PRPF6: variants seen among roughly 807,000 people sequenced by gnomAD.
PRPF6 encodes pre-mRNA-processing factor 6.
Under a neutral mutation model 118.3 loss-of-function variants are expected in PRPF6, and 42 were observed. The ratio of observed to expected loss-of-function variants is 0.35; its 90% CI spans 0.28 to 0.46. The LOEUF is 0.46. Among genes scored for constraint, PRPF6 ranks in the 20% least tolerant of loss-of-function variants. The probability of loss-of-function intolerance (pLI) is 1.00; values close to 1 mark genes in which losing one functional copy is unlikely to be tolerated. For synonymous variants in PRPF6, 481 were observed against 485.1 expected, an observed-to-expected ratio of 0.99 and a Z score of 0.11; for missense variants, 662 against 1,255.7, an observed-to-expected ratio of 0.53 and a Z score of 7.15.
rs756327583 is a variant in PRPF6, at chr20:63,984,864, T to A, written c.241-43T>A. 2.9e-5 allele frequency: 41 copies of A among 1,395,910 alleles called. 1 individual carries two copies. Among genetic ancestry groups the A allele is most frequent in the African/African-American group, 7.1e-5 (5 of 70,264 alleles). 86.5% of individuals were successfully genotyped at this position (1,395,910 alleles called of 1,614,324 possible). A position where few individuals can be genotyped will look rare whatever the true frequency, so the allele number is the denominator to read the frequency against. On this transcript the variant is annotated intron_variant, in intron 2 of 20. Transcript: ENST00000266079. ...CTCCGTTTCGCTGGTGGGGATGGTG[T>A]TGAAGGAAAAGCTGACCTCTACACG...
At chr20:64,007,422 G>A (rs1382033705) in intron 9 of PRPF6, among the ~76,000 whole-genome samples, 3 of 63,074 alleles carry the variant, frequency 4.8e-5, no homozygotes, top group Non-Finnish European at 8.9e-5. Flanking sequence ...CCCCGCCTCC[G>A]CTTCCCTCCC....
At chr20:63,983,802 C>T (rs1211339134) in intron 2 of PRPF6, among the ~76,000 whole-genome samples, 3 of 151,968 alleles carry the variant, frequency 2.0e-5, no homozygotes, top group Non-Finnish European at 4.4e-5. Flanking sequence ...TACAGGCATG[C>T]GCCACCATGC....
At chr20:64,021,843 G>T (rs1269823024) in intron 12 of PRPF6, among the ~76,000 whole-genome samples, 5 of 149,958 alleles carry the variant, frequency 3.3e-5, no homozygotes, top group Admixed American at 6.6e-5. Context: ...GTGTGTGCGT[G>T]TGTATGCGTG....
chr20:63,994,278 C>A (rs958892507), intron 4 of PRPF6, among the ~76,000 whole-genome samples: 1 of 152,018 alleles, frequency 6.6e-6, no homozygotes, highest in African/African-American at 2.4e-5. Context: ...CTGCCTCAGC[C>A]TCCCTAGTAG....
At chr20:64,024,447 A>G in intron 13 of PRPF6, 108 bp from the exon 14 acceptor site, 1 of 1,428,678 alleles carries the variant, frequency 7.0e-7, no homozygotes, top group Non-Finnish European at 9.8e-7. Context: ...ATAGCATCGA[A>G]CTTTGGAGCA....
chr20:64,024,177 T>C (rs773163897), intron 13 of PRPF6, among the ~76,000 whole-genome samples: 32 of 152,274 alleles, frequency 2.1e-4, no homozygotes, highest in Admixed American at 4.6e-4. Context: ...CCTGGGATCA[T>C]AATCTTTATC....
At chr20:63,982,022 A>G (rs574889934) in intron 1 of PRPF6, among the ~76,000 whole-genome samples, 1 of 152,152 alleles carries the variant, frequency 6.6e-6, no homozygotes, top group South Asian at 2.1e-4. Flanking sequence ...AAAAAAAGTG[A>G]GGCAAGGAGG....
At chr20:64,032,544 C>T (rs551839849) in intron 20 of PRPF6, among the ~76,000 whole-genome samples, 1 of 152,330 alleles carries the variant, frequency 6.6e-6, no homozygotes, top group East Asian at 1.9e-4. Context: ...AACCCTAACT[C>T]CTTGTTTGGA....
At chr20:64,020,498 G>A (rs775676411) in intron 12 of PRPF6, among the ~76,000 whole-genome samples, 3 of 152,220 alleles carry the variant, frequency 2.0e-5, no homozygotes, top group Non-Finnish European at 4.4e-5. Context: ...ACAGGTGTCT[G>A]AACCTGGCCC....
chr20:64,014,955 C>T (rs2059230682), intron 11 of PRPF6, among the ~76,000 whole-genome samples: 1 of 152,188 alleles, frequency 6.6e-6, no homozygotes. Context: ...TCTTTTGTGA[C>T]TGGCCTTAAC....
chr20:64,026,081 G>A lies in PRPF6; in HGVS notation c.2028+23G>A, dbSNP rs1487691848. 1.3e-6 allele frequency: 2 copies of A among 1,599,138 alleles called. No homozygotes were observed. The highest frequency in any genetic ancestry group is 2.2e-5 in the East Asian group (1 of 44,874). On this transcript the variant is annotated intron_variant, in intron 15 of 20. Transcript: ENST00000266079. The surrounding 1 kb of genome is among the most constrained non-coding windows in gnomAD (Gnocchi z 4.4). ...CGGGTACGCAGTGGCAGGCAGGGCT[G>A]GGCCGTCTGGGGTGCATGGTGTGCA... is the stretch of plus-strand genomic sequence containing the variant.
chr20:64,003,921 T>C (rs2022012), intron 9 of PRPF6, among the ~76,000 whole-genome samples: 119,941 of 152,224 alleles, frequency 0.79, 47,643 homozygotes, highest in East Asian at 0.96. Flanking sequence ...TATAATGAGG[T>C]GGCCAGGAAC....
In PRPF6 at chr20:64,032,948, G is replaced by C. The variant is rs1209860076; in HGVS notation, c.2781G>C (p.Gly927=). 2 of 1,613,462 alleles carry C rather than the reference G, an allele frequency of 1.2e-6. No individual in the cohort carries two copies. Among genetic ancestry groups the C allele is most frequent in the Non-Finnish European group, 1.7e-6 (2 of 1,180,030 alleles). Residue 927 remains glycine, a synonymous_variant, in exon 21 of 21, where the codon GGG becomes GGC. Coordinates refer to ENST00000266079, the MANE Select transcript of PRPF6 (RefSeq NM_012469.4). ...KDIANWQKKI[G]DILRLVAGRI... Reference sequence around the variant, plus strand: ...TCGCCAACTGGCAGAAGAAGATCGGGGACATCCTTAGGCTGGTGGCCGGCC... The same window carrying C: ...TCGCCAACTGGCAGAAGAAGATCGGCGACATCCTTAGGCTGGTGGCCGGCC...
intron 4 of PRPF6, 118 bp from the exon 5 acceptor site, chr20:63,994,798 C>G: frequency 1.5e-6 from 2 of 1,337,894 alleles, no homozygotes; most frequent in African/African-American, 1.5e-5. Flanking sequence ...GTTGCTGCAT[C>G]CAAATCCCTT....
At chr20:64,021,357 G>A (rs977998995) in intron 12 of PRPF6, among the ~76,000 whole-genome samples, 19 of 150,410 alleles carry the variant, frequency 1.3e-4, no homozygotes, top group African/African-American at 4.7e-4. Flanking sequence ...GTGTGTGTGC[G>A]TGTGCATGTG....
At chr20:63,994,054 T>A (rs1361102376) in intron 4 of PRPF6, among the ~76,000 whole-genome samples, 1 of 151,944 alleles carries the variant, frequency 6.6e-6, no homozygotes, top group African/African-American at 2.4e-5. Context: ...CTGGCCCCAT[T>A]TATACGTAAG....
chr20:64,019,294 A>C (rs1042447846), intron 12 of PRPF6, among the ~76,000 whole-genome samples: 4 of 151,746 alleles, frequency 2.6e-5, no homozygotes, highest in Non-Finnish European at 5.9e-5. Flanking sequence ...TTTTATAGAG[A>C]TGAGGTTTCG....
intron 11 of PRPF6, among the ~76,000 whole-genome samples, chr20:64,013,067 C>T (rs1369574960): frequency 1.3e-5 from 2 of 151,368 alleles, no homozygotes; most frequent in Non-Finnish European, 2.9e-5. Context: ...TGGGTTCAAG[C>T]AGTTCTCCTA....
At chr20:63,993,568 A>G in intron 4 of PRPF6, 83 bp downstream of exon 4, 2 of 1,145,738 alleles carry the variant, frequency 1.7e-6, no homozygotes, top group East Asian at 2.4e-5. Context: ...TCTTACGTGG[A>G]ATTTATGAGA....
Sources: gnomAD v4.1 joint callset for allele counts (sites outside exome capture counted in the v4.1 genomes callset) on GRCh38, gnomAD v4.1.1 for gene constraint, Gnocchi (gnomAD v3.1) non-coding constraint, MANE v1.5 for transcripts, NCBI Gene and HGNC (gene_info 2026-07-23, HGNC 2026-07-21) for gene names.